ENOX1: variants seen among roughly 807,000 people sequenced by gnomAD.
ENOX1 encodes ecto-NOX disulfide-thiol exchanger 1, also known as candidate growth-related and time keeping constitutive hydroquinone (NADH) oxidase.
A neutral mutation model predicts 82.5 loss-of-function variants in ENOX1; 42 were observed. The ratio of observed to expected loss-of-function variants is 0.51; its 90% CI spans 0.40 to 0.66. The LOEUF (loss-of-function observed/expected upper bound fraction) is 0.66, where lower values mean the gene tolerates loss of function less well. Ranked by LOEUF, ENOX1 falls within the 30% of genes least tolerant of loss-of-function variation. ENOX1 has a pLI of 0.00. For missense variants in ENOX1, 608 were observed against 811.6 expected, an observed-to-expected ratio of 0.75 and a Z score of 3.05; for synonymous variants, 271 against 282.2, an observed-to-expected ratio of 0.96 and a Z score of 0.40.
intron 2 of ENOX1, among the ~76,000 whole-genome samples, chr13:43,570,112 G>A (rs925003282): frequency 7.2e-5 from 11 of 152,160 alleles, no homozygotes; most frequent in Non-Finnish European, 1.6e-4. Context: ...GGGAGAAAAA[G>A]GGAATAGTGA....
chr13:43,698,606 G>GT (rs202205272), intron 1 of ENOX1, among the ~76,000 whole-genome samples: 2,032 of 151,540 alleles, frequency 0.013, 43 homozygotes, highest in African/African-American at 0.044. Flanking sequence ...CAAAAATGAA[G>GT]TTTTTTTTTA....
chr13:43,249,949 C>T (rs1182344617), intron 14 of ENOX1, among the ~76,000 whole-genome samples: 1 of 152,160 alleles, frequency 6.6e-6, no homozygotes, highest in Admixed American at 6.5e-5. Context: ...CTGCATGGTG[C>T]ACTGGAGATC....
intron 2 of ENOX1, among the ~76,000 whole-genome samples, chr13:43,542,142 T>C (rs1349104464): frequency 6.6e-6 from 1 of 152,142 alleles, no homozygotes; most frequent in Non-Finnish European, 1.5e-5. Flanking sequence ...TCTTCTTCTT[T>C]TTTTTCTTTT....
chr13:43,692,665 G>A (rs980796106), intron 1 of ENOX1, among the ~76,000 whole-genome samples: 3 of 152,060 alleles, frequency 2.0e-5, no homozygotes, highest in Admixed American at 2.0e-4. Flanking sequence ...ACATGAACAG[G>A]CATACAAATT....
intron 11 of ENOX1, among the ~76,000 whole-genome samples, chr13:43,309,095 C>T (rs1202036820): frequency 3.3e-5 from 5 of 150,818 alleles, no homozygotes; most frequent in African/African-American, 9.8e-5. Context: ...GACCTTGGCT[C>T]GCTGCAACCT....
chr13:43,743,923 G>C (rs1362780594), intron 1 of ENOX1, among the ~76,000 whole-genome samples: 1 of 152,050 alleles, frequency 6.6e-6, no homozygotes, highest in Non-Finnish European at 1.5e-5. Context: ...AGAGAGAGGG[G>C]AGCAAACTTG....
intron 15 of ENOX1, among the ~76,000 whole-genome samples, chr13:43,228,409 G>C (rs2042122544): frequency 6.6e-6 from 1 of 152,130 alleles, no homozygotes; most frequent in South Asian, 2.1e-4. Context: ...AAAATTTTAA[G>C]TGCCTAATTT....
chr13:43,418,394 G>T (rs2054762824), intron 3 of ENOX1, among the ~76,000 whole-genome samples: 1 of 152,020 alleles, frequency 6.6e-6, no homozygotes, highest in Non-Finnish European at 1.5e-5. Context: ...TGGGTGTGGT[G>T]GTGCATGCTT....
chr13:43,704,233 T>C (rs2087097644), intron 1 of ENOX1, among the ~76,000 whole-genome samples: 1 of 151,910 alleles, frequency 6.6e-6, no homozygotes, highest in African/African-American at 2.4e-5. Context: ...AAAATATATA[T>C]GACTAAGATA....
intron 2 of ENOX1, among the ~76,000 whole-genome samples, chr13:43,499,726 C>T (rs2076915705): frequency 6.6e-6 from 1 of 151,846 alleles, no homozygotes; most frequent in Admixed American, 6.6e-5. Context: ...ATGACACCAC[C>T]AAAAAGACAA....
intron 11 of ENOX1, chr13:43,320,953 C>A (rs1486952008): frequency 2.6e-6 from 1 of 377,692 alleles, no homozygotes; most frequent in Non-Finnish European, 5.3e-6. Context: ...AATAAACAAA[C>A]CCAAGAGTAA....
chr13:43,707,567 T>C (rs2087381095), intron 1 of ENOX1, among the ~76,000 whole-genome samples: 1 of 151,950 alleles, frequency 6.6e-6, no homozygotes, highest in Non-Finnish European at 1.5e-5. Context: ...ACCCTGTCTC[T>C]ACTAAAAGTA....
chr13:43,719,153 A>G lies in ENOX1; in HGVS notation c.-284-51609T>C, dbSNP rs574458007. On this transcript the variant is annotated intron_variant, in intron 1 of 16. Transcript: ENST00000690772. ...TGGCAACCATTCCCTGAAGGTCTGG[A>G]GCTAGTTACTCTTCTAAGTATTTGT... Among the ~76,000 whole-genome samples, 9 of 152,242 alleles carry G rather than the reference A, an allele frequency of 5.9e-5. No homozygotes were observed. In the East Asian group the frequency reaches 1.5e-3, roughly 26 times the overall value.
intron 2 of ENOX1, among the ~76,000 whole-genome samples, chr13:43,539,364 C>T (rs1437562782): frequency 2.0e-5 from 3 of 152,038 alleles, no homozygotes; most frequent in African/African-American, 4.8e-5. Flanking sequence ...TTTGATATGT[C>T]GACATTTCAA....
At chr13:43,578,980 T>C (rs1360863261) in intron 2 of ENOX1, among the ~76,000 whole-genome samples, 1 of 152,134 alleles carries the variant, frequency 6.6e-6, no homozygotes, top group African/African-American at 2.4e-5. Context: ...ATCATATTCC[T>C]AGATAGGAAT....
Position 43,214,136 on chromosome 13 carries a change from G to C in ENOX1, c.1801-15C>G. On this transcript the variant is annotated splice_polypyrimidine_tract_variant and intron_variant, in intron 16 of 16. Coordinates refer to ENST00000690772, the MANE Select transcript of ENOX1 (RefSeq NM_001347969.2). The stretch of plus-strand genomic sequence containing the variant: ...TTTGCAGATATCTGTTAGAAAGGAA[G>C]GAAAGTCACTTTGGGGAAAGGAACT... 1 of 1,610,192 alleles carries C rather than the reference G, an allele frequency of 6.2e-7. No individual in the cohort carries two copies. Among genetic ancestry groups the C allele is most frequent in the South Asian group, 1.1e-5 (1 of 90,364 alleles).
At chr13:43,652,636 T>C (rs1054623474) in intron 2 of ENOX1, among the ~76,000 whole-genome samples, 2 of 152,088 alleles carry the variant, frequency 1.3e-5, no homozygotes, top group Admixed American at 6.5e-5. Context: ...TGATTCCAAA[T>C]AGTGTGTGAG....
At chr13:43,721,613 C>T (rs1204752737) in intron 1 of ENOX1, among the ~76,000 whole-genome samples, 1 of 151,874 alleles carries the variant, frequency 6.6e-6, no homozygotes, top group African/African-American at 2.4e-5. Flanking sequence ...CTCCTGACCT[C>T]GTGATCCGCC....
intron 5 of ENOX1, among the ~76,000 whole-genome samples, chr13:43,368,782 A>G (rs1026148716): frequency 1.1e-4 from 16 of 152,222 alleles, no homozygotes; most frequent in African/African-American, 3.9e-4. Context: ...AGATTAGGAA[A>G]TTTCAAAGCA....
Sources: gnomAD v4.1 joint callset for allele counts (sites outside exome capture counted in the v4.1 genomes callset) on GRCh38, gnomAD v4.1.1 for gene constraint, MANE v1.5 for transcripts, NCBI Gene and HGNC (gene_info 2026-07-23, HGNC 2026-07-21) for gene names.